The following GALNT13 variants were observed in gnomAD, a reference collection of about 807,000 sequenced individuals.
GALNT13 encodes the protein UDP-GalNAc:polypeptide N-acetylgalactosaminyltransferase 13.
GALNT13 carries 28 observed loss-of-function variants against 64.2 expected under a neutral mutation model. The ratio of observed to expected loss-of-function variants is 0.44; its 90% CI spans 0.32 to 0.60. The LOEUF is 0.60. Among genes scored for constraint, GALNT13 ranks in the 20% least tolerant of loss-of-function variants. GALNT13 has a pLI of 0.05. For synonymous variants in GALNT13, 214 were observed against 224.6 expected, an observed-to-expected ratio of 0.95 and a Z score of 0.42; for missense variants, 577 against 669.8, an observed-to-expected ratio of 0.86 and a Z score of 1.53.
chr2:153,574,378 T>A, the GALNT13 span, among the ~76,000 whole-genome samples: 1 of 152,138 alleles, frequency 6.6e-6, no homozygotes, highest in Non-Finnish European at 1.5e-5. Context: ...CTTGCAGATA[T>A]TGATATCTAT....
intron 4 of GALNT13, among the ~76,000 whole-genome samples, chr2:154,151,073 A>G (rs775548203): frequency 5.3e-5 from 8 of 152,178 alleles, no homozygotes; most frequent in Non-Finnish European, 1.0e-4. Flanking sequence ...ATTTAGTGCT[A>G]TAAATTTCCC....
At chr2:154,107,525 G>A (rs560816879) in intron 3 of GALNT13, among the ~76,000 whole-genome samples, 2 of 151,160 alleles carry the variant, frequency 1.3e-5, no homozygotes, top group African/African-American at 4.9e-5. Flanking sequence ...AGGAGGTGGA[G>A]GTTGCAGTGA....
the GALNT13 span, among the ~76,000 whole-genome samples, chr2:153,555,659 A>G: frequency 6.6e-6 from 1 of 152,230 alleles, no homozygotes. Flanking sequence ...ACTGAAACAT[A>G]AAATATTAAG....
chr2:154,057,841 A>G (rs1699973694), intron 3 of GALNT13, among the ~76,000 whole-genome samples: 2 of 152,206 alleles, frequency 1.3e-5, no homozygotes, highest in African/African-American at 4.8e-5. Flanking sequence ...TACACACTAA[A>G]TGTTTATTAG....
intron 2 of GALNT13, among the ~76,000 whole-genome samples, chr2:153,916,274 G>A (rs370992999): frequency 6.6e-6 from 1 of 150,956 alleles, no homozygotes; most frequent in Non-Finnish European, 1.5e-5. Context: ...TCCCTTCCTC[G>A]GCCTCCTGAG....
the GALNT13 span, among the ~76,000 whole-genome samples, chr2:153,579,068 G>A: frequency 4.6e-5 from 7 of 152,126 alleles, no homozygotes; most frequent in Non-Finnish European, 8.8e-5. Flanking sequence ...TTTGTATTGC[G>A]GAAAACTGTA....
the GALNT13 span, among the ~76,000 whole-genome samples, chr2:153,449,326 A>G: frequency 2.0e-5 from 3 of 152,080 alleles, no homozygotes; most frequent in African/African-American, 7.2e-5. Context: ...AGGTCTGCTT[A>G]CTTCTCACCA....
the GALNT13 span, among the ~76,000 whole-genome samples, chr2:153,418,096 G>T: frequency 6.6e-6 from 1 of 152,206 alleles, no homozygotes; most frequent in African/African-American, 2.4e-5. Context: ...TTGTCCTGGA[G>T]TATCCAGGTG....
At chr2:153,831,671 C>T in the GALNT13 span, among the ~76,000 whole-genome samples, 3 of 152,134 alleles carry the variant, frequency 2.0e-5, no homozygotes, top group African/African-American at 7.2e-5. Context: ...GTTTCCTCAG[C>T]CTTAGCAGTG....
the GALNT13 span, among the ~76,000 whole-genome samples, chr2:153,243,986 C>T: frequency 6.6e-6 from 1 of 151,682 alleles, no homozygotes; most frequent in Admixed American, 6.6e-5. Flanking sequence ...TAAAAACTAG[C>T]ATTATTATTA....
chr2:153,518,373 G>C, the GALNT13 span, among the ~76,000 whole-genome samples: 2 of 152,084 alleles, frequency 1.3e-5, no homozygotes, highest in African/African-American at 2.4e-5. Context: ...TACCTGACAT[G>C]GTTTCTGAAA....
chr2:153,860,205 A>T, the GALNT13 span, among the ~76,000 whole-genome samples: 2,318 of 152,354 alleles, frequency 0.015, 69 homozygotes, highest in African/African-American at 0.053. Context: ...TTATGATAAA[A>T]TAATGCTTTG....
chr2:154,382,269 T>G (rs1001771881), intron 9 of GALNT13, among the ~76,000 whole-genome samples: 3 of 152,092 alleles, frequency 2.0e-5, no homozygotes, highest in Non-Finnish European at 4.4e-5. Context: ...CATGTTAGAA[T>G]TCTCTATGTA....
chr2:153,839,320 C>A, the GALNT13 span, among the ~76,000 whole-genome samples: 1 of 151,768 alleles, frequency 6.6e-6, no homozygotes, highest in East Asian at 1.9e-4. Flanking sequence ...TGAGAATGGA[C>A]ATCCATATTT....
chr2:153,071,721 G>A, the GALNT13 span, among the ~76,000 whole-genome samples: 2 of 152,144 alleles, frequency 1.3e-5, no homozygotes, highest in Admixed American at 1.3e-4. Flanking sequence ...ATTATTTCTT[G>A]ACAGAGGTTG....
chr2:154,362,424 C>G (rs1451535455), intron 9 of GALNT13, among the ~76,000 whole-genome samples: 1 of 151,974 alleles, frequency 6.6e-6, no homozygotes, highest in Non-Finnish European at 1.5e-5. Flanking sequence ...CTCCTTTCAT[C>G]TTTTCCTCTC....
intron 2 of GALNT13, among the ~76,000 whole-genome samples, chr2:153,931,066 A>AGT (rs59409947): frequency 0.19 from 26,437 of 138,074 alleles, 2,487 homozygotes; most frequent in Non-Finnish European, 0.2. Context: ...TGTATTCCTA[A>AGT]GTGTGTGTGT....
At chr2:153,418,755 G>C in the GALNT13 span, among the ~76,000 whole-genome samples, 1 of 152,146 alleles carries the variant, frequency 6.6e-6, no homozygotes, top group Non-Finnish European at 1.5e-5. Flanking sequence ...CTACTCAGGG[G>C]GCTGAGGTGG....
At chr2:153,963,294 G>A (rs769261828) in intron 3 of GALNT13, among the ~76,000 whole-genome samples, 4 of 152,148 alleles carry the variant, frequency 2.6e-5, no homozygotes, top group African/African-American at 4.8e-5. Context: ...ATAGCATATG[G>A]ATGGAGTACA....
Sources: gnomAD v4.1 joint callset for allele counts (sites outside exome capture counted in the v4.1 genomes callset) on GRCh38, gnomAD v4.1.1 for gene constraint, MANE v1.5 for transcripts, NCBI Gene and HGNC (gene_info 2026-07-23, HGNC 2026-07-21) for gene names.